GRAP2: variants seen among roughly 807,000 people sequenced by gnomAD.
GRAP2 encodes the protein GRB2-related adapter protein 2.
A neutral mutation model predicts 43.5 loss-of-function variants in GRAP2; 31 were observed. The observed-to-expected ratio is 0.71, with a 90% CI of 0.54 to 0.96. The LOEUF (loss-of-function observed/expected upper bound fraction) is 0.96. Among genes scored for constraint, GRAP2 ranks in the 40% least tolerant of loss-of-function variants. The pLI, the probability that GRAP2 is intolerant of heterozygous loss-of-function variation, is 0.00. For synonymous variants in GRAP2, 156 were observed against 164.8 expected, an observed-to-expected ratio of 0.95 and a Z score of 0.41; for missense variants, 371 against 424.4, an observed-to-expected ratio of 0.87 and a Z score of 1.11.
At chr22:39,918,438 A>G (rs1048759804) in intron 1 of GRAP2, among the ~76,000 whole-genome samples, 2 of 152,230 alleles carry the variant, frequency 1.3e-5, no homozygotes, top group Non-Finnish European at 2.9e-5. Context: ...TGACTCTGCC[A>G]TTCACCTCAT....
chr22:39,903,258 G>A (rs1712294518), intron 1 of GRAP2, among the ~76,000 whole-genome samples: 1 of 152,086 alleles, frequency 6.6e-6, no homozygotes, highest in Non-Finnish European at 1.5e-5. Context: ...ACTTGTTAAA[G>A]AATCTTTATA....
At chr22:39,931,849 G>A (rs2066758502) in intron 1 of GRAP2, among the ~76,000 whole-genome samples, 1 of 152,110 alleles carries the variant, frequency 6.6e-6, no homozygotes, top group African/African-American at 2.4e-5. Flanking sequence ...AAAACACACA[G>A]TATTCCATAA....
At chr22:39,926,717 A>G (rs182593283) in intron 1 of GRAP2, 1 of 985,316 alleles carries the variant, frequency 1.0e-6, no homozygotes, top group Non-Finnish European at 1.2e-6. Context: ...TTTTTTTTCC[A>G]CTGGAAATTG....
At chr22:39,910,751 A>C (rs974893950) in intron 1 of GRAP2, among the ~76,000 whole-genome samples, 1 of 152,044 alleles carries the variant, frequency 6.6e-6, no homozygotes, top group South Asian at 2.1e-4. Context: ...TAAAAAAAAA[A>C]AAAAACCCTA....
In GRAP2 at chr22:39,909,778, T is replaced by A. The variant is rs2066546971; in HGVS notation, c.-15+8448T>A. On this transcript the variant is annotated intron_variant, in intron 1 of 7. Coordinates refer to ENST00000344138, the MANE Select transcript of GRAP2 (RefSeq NM_004810.4). ...AAGATGGAGATTTTTAGAAAGAACT[T>A]CTTGAAGGAGGTGCATCTGTAGGCT... is the stretch of plus-strand genomic sequence containing the variant. 2.0e-5 allele frequency among the ~76,000 whole-genome samples: 3 copies of A among 152,278 alleles called. No homozygotes were observed. In the South Asian group the frequency reaches 6.2e-4, roughly 32 times the overall value.
intron 2 of GRAP2, chr22:39,948,154 CT>C (rs1201532817): frequency 6.6e-6 from 1 of 152,122 alleles, no homozygotes; most frequent in Non-Finnish European, 1.5e-5. Context: ...TTGAAAGTGT[CT>C]GAGGAGCACA....
At chr22:39,940,355 G>A (rs2145623554) in intron 1 of GRAP2, among the ~76,000 whole-genome samples, 1 of 150,834 alleles carries the variant, frequency 6.6e-6, no homozygotes, top group Middle Eastern at 3.5e-3. Flanking sequence ...GTCTCTTGGT[G>A]AGGCCCAGCC....
intron 1 of GRAP2, among the ~76,000 whole-genome samples, chr22:39,930,696 T>C (rs1032734582): frequency 3.9e-5 from 6 of 152,206 alleles, no homozygotes; most frequent in African/African-American, 1.4e-4. Flanking sequence ...TGACTTCCCA[T>C]CATCCTTGGT....
intron 7 of GRAP2, 93 bp from the exon 8 acceptor site, chr22:39,970,812 A>G: frequency 8.3e-7 from 1 of 1,205,176 alleles, no homozygotes; most frequent in Middle Eastern, 2.9e-4. Context: ...TGTTGCTCTC[A>G]AAGACTTGGA....
At chr22:39,941,419 A>G (rs1461229155) in intron 1 of GRAP2, among the ~76,000 whole-genome samples, 1 of 152,186 alleles carries the variant, frequency 6.6e-6, no homozygotes, top group Non-Finnish European at 1.5e-5. Flanking sequence ...TCTGTCCACT[A>G]AACTACAACT....
intron 1 of GRAP2, among the ~76,000 whole-genome samples, chr22:39,917,261 A>G (rs2066610391): frequency 6.6e-6 from 1 of 152,180 alleles, no homozygotes; most frequent in Non-Finnish European, 1.5e-5. Flanking sequence ...AAAGCTCTCT[A>G]ACATCGTTTC....
rs2066672764 is a variant in GRAP2 at position 39,923,646 on chromosome 22, C to G, written c.-15+22316C>G. Among the ~76,000 whole-genome samples the G allele has an allele frequency of 2.0e-5, 3 of 152,244 alleles. No homozygotes were observed. In the South Asian group the frequency reaches 6.2e-4, roughly 32 times the overall value. On this transcript the variant is annotated intron_variant, in intron 1 of 7. Coordinates refer to ENST00000344138, the MANE Select transcript of GRAP2 (RefSeq NM_004810.4). ...ATCGAGTAAATGATTGAATTTCCATCTGAGTAAAAAGAAACAGTCATTTCC... is the reference window on the plus strand; with the variant it reads ...ATCGAGTAAATGATTGAATTTCCATGTGAGTAAAAAGAAACAGTCATTTCC...
intron 1 of GRAP2, among the ~76,000 whole-genome samples, chr22:39,913,384 T>C (rs1212603808): frequency 6.6e-6 from 1 of 152,064 alleles, no homozygotes; most frequent in Non-Finnish European, 1.5e-5. Context: ...AGTATTAGCA[T>C]AGGAGTACAC....
chr22:39,930,143 T>A (rs1390954651), intron 1 of GRAP2, among the ~76,000 whole-genome samples: 1 of 152,258 alleles, frequency 6.6e-6, no homozygotes, highest in Non-Finnish European at 1.5e-5. Flanking sequence ...TTCTTTTACT[T>A]TTTAAAGTGC....
chr22:39,920,322 C>T (rs1022150706), intron 1 of GRAP2, among the ~76,000 whole-genome samples: 11 of 152,310 alleles, frequency 7.2e-5, no homozygotes, highest in Middle Eastern at 3.4e-3. Flanking sequence ...AGAAAATGTT[C>T]ACTCATCTTC....
intron 1 of GRAP2, among the ~76,000 whole-genome samples, chr22:39,938,031 G>C (rs2145618614): frequency 6.6e-6 from 1 of 152,214 alleles, no homozygotes; most frequent in Non-Finnish European, 1.5e-5. Context: ...GATTAAAGAA[G>C]AGCAAGGTAA....
chr22:39,915,072 C>T (rs765335457), intron 1 of GRAP2, among the ~76,000 whole-genome samples: 1 of 150,852 alleles, frequency 6.6e-6, no homozygotes, highest in Non-Finnish European at 1.5e-5. Context: ...GCCTGTAATC[C>T]CAGCTACTCA....
chr22:39,901,239 A>T lies in GRAP2; in HGVS notation c.-106A>T. The T allele has an allele frequency of 1.6e-6, 2 of 1,247,264 alleles. No homozygotes were observed. Among genetic ancestry groups the T allele is most frequent in the South Asian group, 2.5e-5 (2 of 80,090 alleles). 77.3% of individuals were successfully genotyped at this position (1,247,264 alleles called of 1,614,324 possible). A position where few individuals can be genotyped will look rare whatever the true frequency, so the allele number is the denominator to read the frequency against. ...CATACTCTGAAATGCAGTAACTCTG[A>T]TGCTTGAATTTGTCTCCCTTCTTGC... is the stretch of plus-strand genomic sequence containing the variant. On this transcript the variant is annotated 5_prime_UTR_variant, in exon 1 of 8. It removes an upstream start codon present in the reference 5' UTR. Transcript: ENST00000344138.
intron 1 of GRAP2, among the ~76,000 whole-genome samples, chr22:39,902,601 A>G (rs1007631166): frequency 2.0e-5 from 3 of 152,188 alleles, no homozygotes; most frequent in Non-Finnish European, 2.9e-5. Context: ...CCCATGTGGT[A>G]AACTGAAATC....
Sources: allele counts gnomAD v4.1 joint callset (sites outside exome capture counted in the v4.1 genomes callset), GRCh38; gene constraint gnomAD v4.1.1; transcripts MANE v1.5; gene names NCBI Gene and HGNC (gene_info 2026-07-23, HGNC 2026-07-21).